Variants in IHO1 observed in about 807,000 individuals in gnomAD.
The protein encoded by IHO1 is interactor of HORMAD1 1.
IHO1 carries 13 observed loss-of-function variants against 31.0 expected under a neutral mutation model. The observed-to-expected ratio is 0.42, with a 90% CI of 0.27 to 0.67. The LOEUF is 0.67. IHO1 is among the 30% of genes least tolerant of loss of function. IHO1 has a pLI of 0.24. For missense variants in IHO1, 599 were observed against 687.5 expected (o/e 0.87, Z 1.44); for synonymous variants, 221 against 248.4 (o/e 0.89, Z 1.04).
intron 2 of IHO1, among the ~76,000 whole-genome samples, chr3:49,230,575 C>T (rs1157738161): frequency 7.2e-5 from 11 of 152,188 alleles, no homozygotes; most frequent in Admixed American, 7.2e-4. Context: ...CACAGTGTTA[C>T]ATTATTCATT....
intron 3 of IHO1, among the ~76,000 whole-genome samples, chr3:49,239,365 T>C (rs1330301492): frequency 6.6e-6 from 1 of 151,778 alleles, no homozygotes; most frequent in Non-Finnish European, 1.5e-5. Flanking sequence ...CACTACAACC[T>C]CTGCCTCCCG....
intron 1 of IHO1, among the ~76,000 whole-genome samples, chr3:49,210,487 T>A (rs889327636): frequency 6.6e-6 from 1 of 151,542 alleles, no homozygotes; most frequent in African/African-American, 2.4e-5. Context: ...AACCTCTGCC[T>A]CCCCGGTTCC....
At chr3:49,191,978 C>T in the IHO1 span, 2 of 604,622 alleles carry the variant, frequency 3.3e-6, no homozygotes, top group Middle Eastern at 4.4e-4. Context: ...GTGAGAAAAA[C>T]CTGCCCCTTG....
At chr3:49,215,231 G>T (rs575394622) in intron 2 of IHO1, among the ~76,000 whole-genome samples, 1 of 151,550 alleles carries the variant, frequency 6.6e-6, no homozygotes, top group South Asian at 2.1e-4. Flanking sequence ...TTGTTTTTTT[G>T]TAAAGACGAG....
intron 1 of IHO1, among the ~76,000 whole-genome samples, chr3:49,201,052 G>T (rs2107676545): frequency 6.6e-6 from 1 of 151,446 alleles, no homozygotes; most frequent in Admixed American, 6.6e-5. Context: ...GGAGTGCAGT[G>T]GCACGATCTC....
intron 4 of IHO1, among the ~76,000 whole-genome samples, chr3:49,242,388 A>G (rs917400935): frequency 2.0e-5 from 3 of 151,954 alleles, no homozygotes; most frequent in Admixed American, 6.6e-5. Flanking sequence ...TCGACCTCTC[A>G]AAGTGCTGGG....
chr3:49,200,219 C>G (rs1350290958), intron 1 of IHO1, among the ~76,000 whole-genome samples: 1 of 152,048 alleles, frequency 6.6e-6, no homozygotes, highest in African/African-American at 2.4e-5. Flanking sequence ...TCACGCCACA[C>G]TTTGGGAGGC....
rs915041924 is a variant in IHO1, at chr3:49,216,510, C to G, written c.56+4674C>G. ...CCGGGAGGCTGAGGGACGAGAATTG[C>G]TTAAATGTAAGGCCTAACACCATAA... On this transcript the variant is annotated intron_variant, in intron 2 of 7. Transcript: ENST00000452691. Among the ~76,000 whole-genome samples, 3 of 152,220 alleles carry G rather than the reference C, an allele frequency of 2.0e-5. No homozygotes were observed. The South Asian group carries it at 6.2e-4, about 32-fold the overall frequency.
intron 6 of IHO1, among the ~76,000 whole-genome samples, chr3:49,247,890 C>CGA: frequency 6.6e-6 from 1 of 151,840 alleles, no homozygotes; most frequent in South Asian, 2.1e-4. Flanking sequence ...TTTGGGAGGC[C>CGA]AAGGCAGGTG....
At chr3:49,193,169 G>A in the IHO1 span, among the ~76,000 whole-genome samples, 1 of 151,918 alleles carries the variant, frequency 6.6e-6, no homozygotes, top group Non-Finnish European at 1.5e-5. Context: ...TCAGGAGTTT[G>A]AGACCAGCCT....
chr3:49,236,672 T>G lies in IHO1; in HGVS notation c.181T>G (p.Phe61Val). ...NSETLSAPLD[F>V]GAHLRHSKQS... The stretch of plus-strand genomic sequence containing the variant: ...AGAAACCCTATCAGCACCCTTGGAC[T>G]TTGGTGCCCACTTGAGACATTCAAA... The change falls in exon 3 of 8, where the codon TTT becomes GTT. Residue 61 changes from phenylalanine to valine, a missense_variant. Physicochemically the swap from Phe to Val is conservative, Grantham distance 50. Transcript: ENST00000452691. 2 of 1,614,118 alleles carry G rather than the reference T, an allele frequency of 1.2e-6. No homozygotes were observed. Among genetic ancestry groups the G allele is most frequent in the Non-Finnish European group, 1.7e-6 (2 of 1,179,994 alleles).
Position 49,204,372 on chromosome 3 carries a change from A to G in IHO1, c.-16+4799A>G, listed in dbSNP as rs143574340. 6.0e-3 allele frequency among the ~76,000 whole-genome samples: 907 copies of G among 152,264 alleles called. 9 individuals carry two copies. The highest frequency in any genetic ancestry group is 0.02 in the African/African-American group (847 of 41,552). ...AGGGCTGGCTTCTGGACTTGAGTGT[A>G]TGTGGATTTTGGTATATTGTTGGGG... On this transcript the variant is annotated intron_variant, in intron 1 of 7. Transcript: ENST00000452691.
intron 1 of IHO1, among the ~76,000 whole-genome samples, chr3:49,207,047 C>CA (rs71077775): frequency 0.023 from 1,120 of 47,890 alleles, 26 homozygotes; most frequent in African/African-American, 0.045. Context: ...GACTCTGTCT[C>CA]AAAAAAAAAA....
At position 49,257,747 on chromosome 3, in the gene IHO1, C is replaced by T. The variant is rs1378696291; in HGVS notation, c.*465C>T. The T allele has an allele frequency of 6.3e-6, 1 of 158,358 alleles. No homozygotes were observed. The highest frequency in any genetic ancestry group is 1.4e-5 in the Non-Finnish European group (1 of 72,058). 9.8% of individuals were successfully genotyped at this position (158,358 alleles called of 1,614,324 possible). ...GATTTTTTTCTTTCTTATTTTTAGC[C>T]ACTTATGCTACCAGAATGTTTGCAT... On this transcript the variant is annotated 3_prime_UTR_variant, in exon 8 of 8. Coordinates refer to ENST00000452691, the MANE Select transcript of IHO1 (RefSeq NM_001135197.2).
At chr3:49,212,619 C>T (rs1331877145) in intron 2 of IHO1, among the ~76,000 whole-genome samples, 3 of 151,974 alleles carry the variant, frequency 2.0e-5, no homozygotes, top group Non-Finnish European at 2.9e-5. Flanking sequence ...AGAATGAGGC[C>T]AAAGACCCTT....
At position 49,236,545 on chromosome 3, in the gene IHO1, CA is replaced by C; in HGVS notation, c.57-2del. The C allele has an allele frequency of 6.3e-7, 1 of 1,593,184 alleles. No homozygotes were observed. The highest frequency in any genetic ancestry group is 8.6e-7 in the Non-Finnish European group (1 of 1,167,822). On this transcript the variant is annotated splice_acceptor_variant, in intron 2 of 7. Coordinates refer to ENST00000452691, the MANE Select transcript of IHO1 (RefSeq NM_001135197.2). LOFTEE classifies it high-confidence loss of function. ...TGATACACTTTTTTTTGCTAAATTTCAGGAACAAGAAGTCATCCAACTGGAA... is the reference window on the plus strand; with the variant it reads ...TGATACACTTTTTTTTGCTAAATTTCGGAACAAGAAGTCATCCAACTGGAA...
chr3:49,200,994 C>T (rs1247054229), intron 1 of IHO1, among the ~76,000 whole-genome samples: 1 of 77,306 alleles, frequency 1.3e-5, no homozygotes, highest in Non-Finnish European at 2.7e-5. Context: ...GTACTTACCA[C>T]AGTTTTTTGT....
chr3:49,228,221 G>C, intron 2 of IHO1: 2 of 378,206 alleles, frequency 5.3e-6, no homozygotes, highest in South Asian at 4.0e-5. Flanking sequence ...CAACCAACTT[G>C]TTGTCGGGAC....
chr3:49,236,198 G>A (rs1235631470), intron 2 of IHO1, among the ~76,000 whole-genome samples: 1 of 152,132 alleles, frequency 6.6e-6, no homozygotes, highest in Non-Finnish European at 1.5e-5. Context: ...GACAGAGTAG[G>A]ATCCTGTCTC....
Sources: allele counts gnomAD v4.1 joint callset (sites outside exome capture counted in the v4.1 genomes callset), GRCh38; gene constraint gnomAD v4.1.1; transcripts MANE v1.5; gene names NCBI Gene and HGNC (gene_info 2026-07-23, HGNC 2026-07-21).